Variants in COG5 observed in about 807,000 individuals in gnomAD.
COG5 encodes the protein conserved oligomeric Golgi complex subunit 5.
COG5 carries 86 observed loss-of-function variants against 110.4 expected under a neutral mutation model. That is an observed-to-expected ratio of 0.78 (90% CI 0.65 to 0.93). The LOEUF is 0.93. Among genes scored for constraint, COG5 ranks in the 40% least tolerant of loss-of-function variants. The pLI is 0.00. For missense variants in COG5, 1,077 were observed against 987.0 expected (o/e 1.09, Z -1.22); for synonymous variants, 360 against 334.6 (o/e 1.08, Z -0.83).
chr7:107,365,185 T>C (rs943267392), intron 8 of COG5, among the ~76,000 whole-genome samples: 7 of 152,056 alleles, frequency 4.6e-5, no homozygotes, highest in African/African-American at 7.2e-5. Flanking sequence ...AGAAACAAAA[T>C]AGTCTCTTAA....
At chr7:107,541,790 G>A (rs1209403166) in intron 5 of COG5, among the ~76,000 whole-genome samples, 2 of 151,312 alleles carry the variant, frequency 1.3e-5, no homozygotes, top group South Asian at 2.1e-4. Flanking sequence ...AATTAGCTGG[G>A]CATGGTGGCA....
chr7:107,346,937 C>T (rs368166918), intron 10 of COG5, among the ~76,000 whole-genome samples: 7 of 151,956 alleles, frequency 4.6e-5, no homozygotes, highest in South Asian at 4.2e-4. Context: ...AAGGTAAAAC[C>T]GTTTAAATAT....
chr7:107,292,595 A>G (rs1400536387), intron 12 of COG5, among the ~76,000 whole-genome samples: 1 of 152,230 alleles, frequency 6.6e-6, no homozygotes, highest in Non-Finnish European at 1.5e-5. Context: ...GCCTTAAAGC[A>G]TGACAAGATA....
intron 18 of COG5, among the ~76,000 whole-genome samples, chr7:107,232,267 T>A (rs1800831390): frequency 6.6e-6 from 1 of 152,218 alleles, no homozygotes; most frequent in Non-Finnish European, 1.5e-5. Flanking sequence ...GATAGGCTGT[T>A]CTTTGGAACC....
intron 12 of COG5, among the ~76,000 whole-genome samples, chr7:107,295,078 TATATATATATATATATATATATA>T (rs1806597967): frequency 1.7e-5 from 1 of 59,258 alleles, no homozygotes; most frequent in African/African-American, 7.4e-5. Flanking sequence ...TATATATATA[TATATATATATATATATATATATA>T]TTTTTTTTTT....
At chr7:107,211,524 G>A (rs1799177051) in intron 19 of COG5, among the ~76,000 whole-genome samples, 1 of 152,152 alleles carries the variant, frequency 6.6e-6, no homozygotes, top group Non-Finnish European at 1.5e-5. Context: ...TAATTACAAG[G>A]CTAAAAGCAG....
chr7:107,359,384 C>T (rs755254261), intron 10 of COG5, among the ~76,000 whole-genome samples: 36 of 152,180 alleles, frequency 2.4e-4, no homozygotes, highest in African/African-American at 7.7e-4. Context: ...GGAGGAAGGC[C>T]GAGGGAGTGT....
chr7:107,511,985 C>T (rs1799552745), intron 6 of COG5, among the ~76,000 whole-genome samples: 2 of 152,142 alleles, frequency 1.3e-5, no homozygotes, highest in African/African-American at 4.8e-5. Context: ...AAAGCTGGCA[C>T]AAGACAGGGA....
intron 10 of COG5, among the ~76,000 whole-genome samples, chr7:107,348,388 T>C (rs1045785096): frequency 1.3e-5 from 2 of 152,118 alleles, no homozygotes; most frequent in Non-Finnish European, 2.9e-5. Flanking sequence ...CCTTGAAAGT[T>C]TGGTAGAATT....
chr7:107,238,790 T>C (rs1801399927), intron 17 of COG5, among the ~76,000 whole-genome samples: 1 of 152,240 alleles, frequency 6.6e-6, no homozygotes, highest in South Asian at 2.1e-4. Context: ...GCCATTTGTA[T>C]GTCTTCTTTT....
intron 6 of COG5, among the ~76,000 whole-genome samples, chr7:107,514,384 G>C (rs1308426126): frequency 1.4e-5 from 2 of 146,568 alleles, no homozygotes; most frequent in East Asian, 3.9e-4. Context: ...TTTATATTTT[G>C]GTTTATTATG....
intron 6 of COG5, among the ~76,000 whole-genome samples, chr7:107,514,023 A>C (rs1327835109): frequency 1.3e-5 from 2 of 151,968 alleles, no homozygotes; most frequent in East Asian, 1.9e-4. Context: ...CATTGTGCAC[A>C]TGTACCCTAA....
intron 6 of COG5, among the ~76,000 whole-genome samples, chr7:107,414,485 C>T (rs1431057572): frequency 6.6e-6 from 1 of 151,974 alleles, no homozygotes; most frequent in African/African-American, 2.4e-5. Flanking sequence ...ATTTAATCTA[C>T]TAGATTAGAT....
chr7:107,239,950 T>A (rs1376089355), intron 17 of COG5, among the ~76,000 whole-genome samples: 1 of 152,224 alleles, frequency 6.6e-6, no homozygotes. Flanking sequence ...GCCACTAACC[T>A]TTTGTGTGAG....
intron 11 of COG5, among the ~76,000 whole-genome samples, chr7:107,313,982 A>C (rs1043673005): frequency 6.6e-6 from 1 of 152,172 alleles, no homozygotes; most frequent in Non-Finnish European, 1.5e-5. Context: ...GTAGCACAAA[A>C]TGGGAAATCA....
chr7:107,263,372 G>A (rs1803529212), intron 14 of COG5, among the ~76,000 whole-genome samples: 2 of 152,144 alleles, frequency 1.3e-5, no homozygotes, highest in Admixed American at 1.3e-4. Context: ...GTACCAAGGT[G>A]CAAAAATACA....
intron 7 of COG5, among the ~76,000 whole-genome samples, chr7:107,375,770 C>T (rs893670967): frequency 4.0e-5 from 6 of 151,710 alleles, no homozygotes; most frequent in African/African-American, 1.5e-4. Context: ...CAAATATGTT[C>T]TCCCACTCTT....
rs776446631 is a variant in COG5, at chr7:107,563,904, G to A, written c.-8C>T. 3.5e-5 allele frequency: 57 copies of A among 1,613,512 alleles called. No homozygotes were observed. Among genetic ancestry groups the A allele is most frequent in the Non-Finnish European group, 4.8e-5 (57 of 1,179,938 alleles). On this transcript the variant is annotated 5_prime_UTR_variant, in exon 1 of 22. Coordinates refer to ENST00000297135, the MANE Select transcript of COG5 (RefSeq NM_006348.5). The stretch of plus-strand genomic sequence containing the variant: ...GCCGCCGCCACCTTCCATGTTGGCA[G>A]GTGCCGGGTTGATGTCGTCAGCAGC...
At chr7:107,275,192 C>A (rs1046246163) in intron 14 of COG5, among the ~76,000 whole-genome samples, 1 of 151,818 alleles carries the variant, frequency 6.6e-6, no homozygotes, top group Admixed American at 6.6e-5. Flanking sequence ...TCAAGAGGGC[C>A]AGGCGCAGTG....
Sources: allele counts gnomAD v4.1 joint callset (sites outside exome capture counted in the v4.1 genomes callset), GRCh38; gene constraint gnomAD v4.1.1; transcripts MANE v1.5; gene names NCBI Gene and HGNC (gene_info 2026-07-23, HGNC 2026-07-21).